PDE1C: variants seen among roughly 807,000 people sequenced by gnomAD.
PDE1C encodes dual specificity calcium/calmodulin-dependent 3',5'-cyclic nucleotide phosphodiesterase 1C.
In PDE1C, 62 loss-of-function variants were observed where a neutral mutation model predicts 93.1. The observed-to-expected ratio is 0.67, with a 90% confidence interval of 0.54 to 0.82. The LOEUF is 0.82. Ranked by LOEUF, PDE1C falls within the 40% of genes least tolerant of loss-of-function variation. PDE1C has a pLI of 0.00. For synonymous variants in PDE1C, 325 were observed against 310.1 expected (o/e 1.05, Z -0.50); for missense variants, 742 against 884.6 (o/e 0.84, Z 2.04).
intron 17 of PDE1C, among the ~76,000 whole-genome samples, chr7:31,765,837 G>A (rs1452155900): frequency 6.6e-6 from 1 of 152,188 alleles, no homozygotes; most frequent in Non-Finnish European, 1.5e-5. Context: ...AAGTGTGAAA[G>A]AAAAGTGGTT....
chr7:31,847,688 T>C (rs190041304), intron 9 of PDE1C, among the ~76,000 whole-genome samples: 2 of 152,172 alleles, frequency 1.3e-5, no homozygotes, highest in East Asian at 3.9e-4. Flanking sequence ...AATTCATCAA[T>C]AAAAAGCAAT....
chr7:31,890,503 G>A (rs7789267), intron 2 of PDE1C, among the ~76,000 whole-genome samples: 30,746 of 151,968 alleles, frequency 0.2, 4,445 homozygotes, highest in African/African-American at 0.39. Flanking sequence ...TAGTCAACCC[G>A]GTCCCGTGAC....
At chr7:32,084,268 A>C (rs1414118724) in intron 3 of PDE1C, among the ~76,000 whole-genome samples, 2 of 152,014 alleles carry the variant, frequency 1.3e-5, no homozygotes, top group Non-Finnish European at 2.9e-5. Context: ...CCATTAGATA[A>C]TGGTAAAGGG....
chr7:32,090,343 C>G (rs529612311), intron 3 of PDE1C, among the ~76,000 whole-genome samples: 1 of 152,312 alleles, frequency 6.6e-6, no homozygotes, highest in African/African-American at 2.4e-5. Context: ...CCTGTGCTGA[C>G]ATTTCTTATG....
At chr7:32,033,316 C>A (rs76445767) in intron 2 of PDE1C, among the ~76,000 whole-genome samples, 1 of 151,974 alleles carries the variant, frequency 6.6e-6, no homozygotes, top group East Asian at 1.9e-4. Flanking sequence ...ATCTTCCTCA[C>A]CCTGGAATTC....
In PDE1C at chr7:31,816,016, T is replaced by A. The variant is rs1368622210; in HGVS notation, c.1721A>T (p.Asn574Ile). The A allele has an allele frequency of 1.2e-6, 2 of 1,614,062 alleles. No homozygotes were observed. Among genetic ancestry groups the A allele is most frequent in the Non-Finnish European group, 1.7e-6 (2 of 1,179,934 alleles). The stretch of plus-strand genomic sequence containing the variant: ...GTTTGCCCGTGTTCCATTGACTTGA[T>A]TCTTAGTTTCTCCAGACGTCTTTTT... ...AEKKTSGETK[N>I]QVNGTRANKS... is the part of the protein sequence containing the mutation. Residue 574 changes from asparagine (N) to isoleucine (I), a missense_variant, in exon 15 of 18, where the codon AAT (asparagine) becomes ATT (isoleucine). Transcript: ENST00000396191.
chr7:32,064,438 T>G (rs1425085715), intron 1 of PDE1C, among the ~76,000 whole-genome samples: 1 of 152,150 alleles, frequency 6.6e-6, no homozygotes, highest in African/African-American at 2.4e-5. Flanking sequence ...AAATCTATGT[T>G]CTGTCAATTC....
chr7:31,760,669 A>C (rs1583959747), intron 17 of PDE1C, among the ~76,000 whole-genome samples: 1 of 151,894 alleles, frequency 6.6e-6, no homozygotes, highest in African/African-American at 2.4e-5. Flanking sequence ...TAAGTGTTGG[A>C]TATCTGTTTT....
At chr7:31,960,375 A>C (rs1316672852) in intron 2 of PDE1C, among the ~76,000 whole-genome samples, 1 of 152,180 alleles carries the variant, frequency 6.6e-6, no homozygotes, top group Non-Finnish European at 1.5e-5. Context: ...ATCATGAGGC[A>C]ATTTCTGACA....
At chr7:32,177,270 AGAG>A (rs1243169927) in intron 2 of PDE1C, among the ~76,000 whole-genome samples, 1 of 152,192 alleles carries the variant, frequency 6.6e-6, no homozygotes, top group Non-Finnish European at 1.5e-5. Flanking sequence ...AGGAGGCAGG[AGAG>A]GAGAACACGG....
At chr7:32,274,231 G>A (rs1175103298) in intron 1 of PDE1C, among the ~76,000 whole-genome samples, 2 of 147,774 alleles carry the variant, frequency 1.4e-5, no homozygotes, top group African/African-American at 2.5e-5. Flanking sequence ...TTTTTGAGAC[G>A]GGCTCTTGCT....
In PDE1C at chr7:32,240,904, T is replaced by C. The variant is rs139944994; in HGVS notation, c.86-31365A>G. On this transcript the variant is annotated intron_variant, in intron 1 of 18. Transcript: ENST00000396193. The stretch of plus-strand genomic sequence containing the variant: ...AAGGAGAGCTGAAGGTGGTGAGACA[T>C]GATCCACTTCAGGATTATGGGTGGG... 5.9e-5 allele frequency among the ~76,000 whole-genome samples: 9 copies of C among 152,260 alleles called. No homozygotes were observed. In the East Asian group the frequency reaches 1.7e-3, roughly 29 times the overall value.
At chr7:31,797,695 G>A (rs1323998194) in intron 16 of PDE1C, among the ~76,000 whole-genome samples, 2 of 151,680 alleles carry the variant, frequency 1.3e-5, no homozygotes, top group Admixed American at 6.6e-5. Flanking sequence ...TCAGAGGGGT[G>A]TAGAGCTAGT....
At chr7:32,327,932 C>G (rs564187768) in intron 1 of PDE1C, among the ~76,000 whole-genome samples, 1 of 152,138 alleles carries the variant, frequency 6.6e-6, no homozygotes, top group Non-Finnish European at 1.5e-5. Flanking sequence ...AACATACCAC[C>G]TTTTATTTAT....
chr7:32,033,909 C>T (rs1272940573), intron 2 of PDE1C, among the ~76,000 whole-genome samples: 1 of 152,166 alleles, frequency 6.6e-6, no homozygotes, highest in Non-Finnish European at 1.5e-5. Flanking sequence ...TCTACTCCCA[C>T]CAACCATTAT....
chr7:32,394,181 A>G (rs1784801778), intron 1 of PDE1C, among the ~76,000 whole-genome samples: 1 of 152,238 alleles, frequency 6.6e-6, no homozygotes, highest in Admixed American at 6.5e-5. Context: ...GTGGGAAACT[A>G]TGAAATGTCT....
the PDE1C span, among the ~76,000 whole-genome samples, chr7:31,620,351 G>C: frequency 3.2e-4 from 49 of 152,128 alleles, no homozygotes; most frequent in Non-Finnish European, 6.0e-4. Flanking sequence ...CTAACTGGGA[G>C]GCACCCCCCA....
chr7:32,258,324 T>C (rs1809953465), intron 1 of PDE1C, among the ~76,000 whole-genome samples: 3 of 152,244 alleles, frequency 2.0e-5, no homozygotes, highest in Non-Finnish European at 2.9e-5. Context: ...TAGCACATTA[T>C]AGGCATTCAA....
At chr7:32,071,084 G>C (rs1218396237), upstream of PDE1C, 2 of 985,286 alleles carry the variant, frequency 2.0e-6, no homozygotes, top group East Asian at 2.3e-4. Flanking sequence ...GGAGGGGCGC[G>C]CGGGCACCGC....
Sources: gnomAD v4.1 joint callset for allele counts (sites outside exome capture counted in the v4.1 genomes callset) on GRCh38, gnomAD v4.1.1 for gene constraint, MANE v1.5 for transcripts, NCBI Gene and HGNC (gene_info 2026-07-23, HGNC 2026-07-21) for gene names.